Variants in FRYL observed in about 807,000 individuals in gnomAD.
FRYL encodes FRY like transcription coactivator, also known as protein furry homolog-like.
FRYL carries 150 observed loss-of-function variants against 351.2 expected under a neutral mutation model. That is an observed-to-expected ratio of 0.43 (90% CI 0.37 to 0.49). The LOEUF (loss-of-function observed/expected upper bound fraction) is 0.49, where lower values mean the gene tolerates loss of function less well. Ranked by LOEUF, FRYL falls within the 20% of genes least tolerant of loss-of-function variation. The probability of loss-of-function intolerance (pLI) is 0.00; values close to 1 mark genes in which losing one functional copy is unlikely to be tolerated. For synonymous variants in FRYL, 1,153 were observed against 1,257.1 expected, an observed-to-expected ratio of 0.92 and a Z score of 1.75; for missense variants, 3,036 against 3,619.3, an observed-to-expected ratio of 0.84 and a Z score of 4.13.
chr4:48,609,586 C>T (rs1029512031), intron 8 of FRYL, among the ~76,000 whole-genome samples, 158 bp downstream of exon 8: 3 of 150,178 alleles, frequency 2.0e-5, no homozygotes, highest in Admixed American at 6.7e-5. Flanking sequence ...TGCATCTCTG[C>T]ACTCCAGGCT....
chr4:48,646,399 T>C (rs1450438575), intron 3 of FRYL, among the ~76,000 whole-genome samples: 1 of 152,198 alleles, frequency 6.6e-6, no homozygotes, highest in Non-Finnish European at 1.5e-5. Context: ...TTTAATCATT[T>C]AGCAAAATTT....
Position 48,525,671 on chromosome 4 carries a change from TTGTATA to T in FRYL, c.7317+1800_7317+1805del, listed in dbSNP as rs767822873. 5.6e-3 allele frequency among the ~76,000 whole-genome samples: 851 copies of T among 151,370 alleles called. 5 individuals are homozygous for T. Among genetic ancestry groups the T allele is most frequent in the African/African-American group, 0.02 (810 of 41,196 alleles). On this transcript the variant is annotated intron_variant, in intron 53 of 63. Transcript: ENST00000358350. Reference sequence around the variant, plus strand: ...GATCAGTGTGTATGATCTGTATGAGTTGTATATGTATATGTATACGAGAGCTGATGA... The same window carrying T: ...GATCAGTGTGTATGATCTGTATGAGTTGTATATGTATACGAGAGCTGATGA...
intron 16 of FRYL, among the ~76,000 whole-genome samples, chr4:48,591,166 G>GA (rs535516993): frequency 6.6e-6 from 1 of 151,728 alleles, no homozygotes; most frequent in African/African-American, 2.4e-5. Context: ...CTTCACAGAA[G>GA]AAAAAAAATC....
chr4:48,576,341 A>T, intron 23 of FRYL, 119 bp from the exon 24 acceptor site: 1 of 753,898 alleles, frequency 1.3e-6, no homozygotes, highest in Non-Finnish European at 2.0e-6. Context: ...TCACTCTGTC[A>T]CCCAGGCCGG....
chr4:48,554,786 C>G (rs1379693726), intron 35 of FRYL, among the ~76,000 whole-genome samples: 1 of 152,172 alleles, frequency 6.6e-6, no homozygotes, highest in African/African-American at 2.4e-5. Flanking sequence ...GGGTTCCTTC[C>G]GCCTGACTGT....
chr4:48,738,967 GGAAGGAAAGAACAA>G (rs1253657154), intron 1 of FRYL, among the ~76,000 whole-genome samples: 1 of 152,048 alleles, frequency 6.6e-6, no homozygotes, highest in Non-Finnish European at 1.5e-5. Flanking sequence ...AACACAATAT[GGAAGGAAAGAACAA>G]GGTTGGAGGA....
At chr4:48,596,365 G>C (rs879884368) in intron 13 of FRYL, among the ~76,000 whole-genome samples, 7 of 152,038 alleles carry the variant, frequency 4.6e-5, no homozygotes, top group Admixed American at 4.6e-4. Flanking sequence ...ATTTTTGGCA[G>C]AATTCATTTG....
In FRYL at chr4:48,605,728, G is replaced by A; in HGVS notation, c.834+13C>T. ...TAACACACAAATGGTATGAAAATAA[G>A]AAAAATACTTACAGCAGCTACAGGG... is the stretch of plus-strand genomic sequence containing the variant. On this transcript the variant is annotated intron_variant, in intron 11 of 63. Coordinates refer to ENST00000358350, the MANE Select transcript of FRYL (RefSeq NM_015030.2). 2 of 1,537,484 alleles carry A rather than the reference G, an allele frequency of 1.3e-6. No homozygotes were observed. The highest frequency in any genetic ancestry group is 1.1e-5 in the South Asian group (1 of 88,126).
Position 48,585,505 on chromosome 4 carries a change from C to T in FRYL, c.1748+1116G>A, listed in dbSNP as rs1453822005. Among the ~76,000 whole-genome samples, 3 of 152,226 alleles carry T rather than the reference C, an allele frequency of 2.0e-5. No individual in the cohort carries two copies. In the South Asian group the frequency reaches 6.2e-4, roughly 31 times the overall value. The stretch of plus-strand genomic sequence containing the variant: ...TGCCCAGCCACAAGTAAACACCTTT[C>T]AACATAGTCAAATATTGCTGCTCTG... On this transcript the variant is annotated intron_variant, in intron 19 of 63. Transcript: ENST00000358350.
Position 48,590,711 on chromosome 4 carries a change from T to C in FRYL, c.1455A>G (p.Val485=). ...AGGTTTTATTGAGAAATATTTTCTT[T>C]ACACGAAGAGTATTTCCTGAGGGAA... ...VILPSGNTLR[V]KKIFLNKTLT... The change falls in exon 17 of 64, where the codon GTA becomes GTG. Residue 485 remains valine (V), a synonymous_variant. Transcript: ENST00000358350. 1.9e-6 allele frequency: 3 copies of C among 1,612,834 alleles called. No individual in the cohort carries two copies. The South Asian group carries it at 3.3e-5, about 18-fold the overall frequency.
intron 49 of FRYL, among the ~76,000 whole-genome samples, chr4:48,532,832 C>A (rs764409049): frequency 5.0e-4 from 76 of 152,096 alleles, no homozygotes; most frequent in Admixed American, 1.1e-3. Context: ...AAAAGACTAT[C>A]GATAATTCAA....
At chr4:48,618,264 T>C (rs1217355066) in intron 7 of FRYL, 1 of 152,248 alleles carries the variant, frequency 6.6e-6, no homozygotes, top group Non-Finnish European at 1.5e-5. Flanking sequence ...AAAATTATGT[T>C]TATTTGCAGA....
intron 57 of FRYL, 111 bp from the exon 58 acceptor site, chr4:48,511,095 T>C (rs764171395): frequency 1.2e-5 from 7 of 591,348 alleles, no homozygotes; most frequent in Admixed American, 3.7e-5. Flanking sequence ...TATAATGATA[T>C]ATAGAACTTT....
chr4:48,574,723 T>A (rs1739194634), intron 25 of FRYL, among the ~76,000 whole-genome samples: 1 of 152,200 alleles, frequency 6.6e-6, no homozygotes, highest in South Asian at 2.1e-4. Context: ...AAATACTTTT[T>A]GAAAGATACT....
Position 48,552,244 on chromosome 4 carries a change from GGTGTGT to G in FRYL, c.4436-672_4436-667del, listed in dbSNP as rs67155390. 8.2e-3 allele frequency among the ~76,000 whole-genome samples: 1,194 copies of G among 145,322 alleles called. 7 individuals are homozygous for G. The highest frequency in any genetic ancestry group is 0.014 in the South Asian group (61 of 4,456). On this transcript the variant is annotated intron_variant, in intron 36 of 63. Coordinates refer to ENST00000358350, the MANE Select transcript of FRYL (RefSeq NM_015030.2). Reference sequence around the variant, plus strand: ...TGTATAAATATAAACAGTCCAAAGGGGTGTGTGTGTGTGTGTGTGTGTGTGTGTGTG... The same window carrying G: ...TGTATAAATATAAACAGTCCAAAGGGGTGTGTGTGTGTGTGTGTGTGTGTG...
At chr4:48,613,093 C>A (rs1748586110) in intron 7 of FRYL, among the ~76,000 whole-genome samples, 1 of 152,192 alleles carries the variant, frequency 6.6e-6, no homozygotes, top group Admixed American at 6.5e-5. Context: ...AATGAACTAT[C>A]TTGGGGATAA....
chr4:48,543,010 C>T (rs1043680684), intron 44 of FRYL, among the ~76,000 whole-genome samples: 3 of 152,116 alleles, frequency 2.0e-5, no homozygotes, highest in Admixed American at 6.5e-5. Context: ...TTGAACCTAC[C>T]TACCTCATCA....
chr4:48,690,132 C>T (rs1413226147), intron 2 of FRYL, among the ~76,000 whole-genome samples: 4 of 151,552 alleles, frequency 2.6e-5, no homozygotes, highest in South Asian at 4.2e-4. Flanking sequence ...ATCTCGATCT[C>T]CTGACCTCGT....
chr4:48,564,138 G>C, intron 30 of FRYL, 36 bp from the exon 31 acceptor site: 1 of 1,607,620 alleles, frequency 6.2e-7, no homozygotes, highest in Non-Finnish European at 8.5e-7. Flanking sequence ...GAGAGAGAAC[G>C]TTATATATTT....
Sources: allele counts gnomAD v4.1 joint callset (sites outside exome capture counted in the v4.1 genomes callset), GRCh38; gene constraint gnomAD v4.1.1; transcripts MANE v1.5; gene names NCBI Gene and HGNC (gene_info 2026-07-23, HGNC 2026-07-21).